The following MCTP1 variants were observed in gnomAD, a reference collection of about 807,000 sequenced individuals.
MCTP1 encodes the protein multiple C2 and transmembrane domain-containing protein 1.
A neutral mutation model predicts 120.6 loss-of-function variants in MCTP1; 69 were observed. The observed-to-expected ratio is 0.57, with a 90% confidence interval of 0.47 to 0.70. The LOEUF (loss-of-function observed/expected upper bound fraction) is 0.70, where lower values mean the gene tolerates loss of function less well. Among genes scored for constraint, MCTP1 ranks in the 30% least tolerant of loss-of-function variants. The probability of loss-of-function intolerance (pLI) is 0.00; values close to 1 mark genes in which losing one functional copy is unlikely to be tolerated. For missense variants in MCTP1, 1,203 were observed against 1,248.8 expected (o/e 0.96, Z 0.55); for synonymous variants, 529 against 493.1 (o/e 1.07, Z -0.96).
At chr5:94,765,995 A>G (rs1184062197) in intron 19 of MCTP1, among the ~76,000 whole-genome samples, 2 of 152,226 alleles carry the variant, frequency 1.3e-5, no homozygotes, top group Non-Finnish European at 2.9e-5. Context: ...TTGTAATCCC[A>G]GCACTTTGGG....
intron 1 of MCTP1, among the ~76,000 whole-genome samples, chr5:95,042,426 T>C (rs1010935242): frequency 1.3e-5 from 2 of 152,148 alleles, no homozygotes; most frequent in African/African-American, 4.8e-5. Context: ...TCATGGTTTA[T>C]GGATAGTGAT....
Position 94,756,658 on chromosome 5 carries a change from T to C in MCTP1, c.2610+22452A>G, listed in dbSNP as rs75834509. 1.7e-3 allele frequency among the ~76,000 whole-genome samples: 262 copies of C among 152,262 alleles called. 3 individuals are homozygous for C. In the East Asian group the frequency reaches 0.044, roughly 26 times the overall value. On this transcript the variant is annotated intron_variant, in intron 19 of 22. Coordinates refer to ENST00000515393, the MANE Select transcript of MCTP1 (RefSeq NM_024717.7). ...AATATCAGAGGGGAGATGACAAAGATGTTGGCAAAATGAGATCCTTTGACA... is the reference window on the plus strand; with the variant it reads ...AATATCAGAGGGGAGATGACAAAGACGTTGGCAAAATGAGATCCTTTGACA...
At chr5:94,987,531 C>T (rs1002197721) in intron 2 of MCTP1, among the ~76,000 whole-genome samples, 14 of 152,074 alleles carry the variant, frequency 9.2e-5, no homozygotes, top group African/African-American at 2.9e-4. Context: ...TCAATATTTA[C>T]GGAGTTTTAA....
chr5:95,196,953 T>A (rs889629703), intron 1 of MCTP1, among the ~76,000 whole-genome samples: 10 of 152,300 alleles, frequency 6.6e-5, no homozygotes, highest in African/African-American at 2.2e-4. Context: ...TTTAAAAAAA[T>A]TAAGAGTATT....
At chr5:95,036,098 A>G (rs770939999) in intron 1 of MCTP1, among the ~76,000 whole-genome samples, 1 of 152,112 alleles carries the variant, frequency 6.6e-6, no homozygotes, top group African/African-American at 2.4e-5. Context: ...TGTCATGAAA[A>G]AGTGCATAGC....
intron 1 of MCTP1, among the ~76,000 whole-genome samples, chr5:95,049,744 C>A (rs1407553534): frequency 6.6e-6 from 1 of 151,990 alleles, no homozygotes; most frequent in Admixed American, 6.6e-5. Flanking sequence ...TTCATCAAAC[C>A]AGCACTGTAG....
chr5:94,815,492 T>G (rs1354044589), intron 17 of MCTP1, among the ~76,000 whole-genome samples: 1 of 152,198 alleles, frequency 6.6e-6, no homozygotes, highest in African/African-American at 2.4e-5. Context: ...GGCTTTGTTC[T>G]CTAAGTGCAT....
At chr5:95,221,771 G>A (rs1185154628) in intron 1 of MCTP1, among the ~76,000 whole-genome samples, 1 of 152,156 alleles carries the variant, frequency 6.6e-6, no homozygotes, top group Non-Finnish European at 1.5e-5. Flanking sequence ...TCCAGCATGG[G>A]TTTTCTCTTT....
In MCTP1 at chr5:95,105,693, T is replaced by C. The variant is rs115933957; in HGVS notation, c.721-88209A>G. Among the ~76,000 whole-genome samples, 702 of 152,176 alleles carry C rather than the reference T, an allele frequency of 4.6e-3. 6 individuals carry two copies. Among genetic ancestry groups the C allele is most frequent in the African/African-American group, 0.016 (662 of 41,528 alleles). ...ATACTGCTGAGGGGAAGTCCAGGAA[T>C]TGTCCCTTATTAGAGCTTCATTAGG... On this transcript the variant is annotated intron_variant, in intron 1 of 22. Transcript: ENST00000515393.
At chr5:95,194,073 A>C (rs893212914) in intron 1 of MCTP1, among the ~76,000 whole-genome samples, 1 of 152,058 alleles carries the variant, frequency 6.6e-6, no homozygotes, top group African/African-American at 2.4e-5. Flanking sequence ...AAAATTAGCC[A>C]AGCATGGTAG....
intron 1 of MCTP1, among the ~76,000 whole-genome samples, chr5:95,106,768 A>C (rs1300909739): frequency 1.3e-5 from 2 of 152,216 alleles, no homozygotes; most frequent in African/African-American, 2.4e-5. Flanking sequence ...TTAGCAGGCC[A>C]CATGCTGTTT....
At position 94,705,758 on chromosome 5, in the gene MCTP1, G is replaced by T; in HGVS notation, c.*1738C>A. The stretch of plus-strand genomic sequence containing the variant: ...TAAAAGTCTCACATAAGGTATAATT[G>T]AAAGTTATTTCAAACAGTTATCTCA... On this transcript the variant is annotated 3_prime_UTR_variant, in exon 23 of 23. Transcript: ENST00000515393. 6.6e-6 allele frequency: 1 copy of T among 151,198 alleles called. No homozygotes were observed. Among genetic ancestry groups the T allele is most frequent in the African/African-American group, 2.4e-5 (1 of 41,264 alleles). The allele number at this position is 151,198 out of a possible 1,614,324, so 9.4% of individuals were successfully genotyped here.
chr5:94,914,301 A>T (rs902423349), intron 8 of MCTP1, among the ~76,000 whole-genome samples: 2 of 152,198 alleles, frequency 1.3e-5, no homozygotes, highest in Non-Finnish European at 2.9e-5. Flanking sequence ...ACTACTTTCT[A>T]TCTGATCCGT....
chr5:95,075,012 G>A (rs1753200023), intron 1 of MCTP1, among the ~76,000 whole-genome samples: 1 of 152,188 alleles, frequency 6.6e-6, no homozygotes, highest in Non-Finnish European at 1.5e-5. Flanking sequence ...TTTGCCTGTG[G>A]CAGAATATTT....
chr5:94,951,796 C>T (rs989478791), intron 3 of MCTP1, among the ~76,000 whole-genome samples: 1 of 152,142 alleles, frequency 6.6e-6, no homozygotes, highest in Admixed American at 6.5e-5. Context: ...TCTTCCCTTT[C>T]GTGGGAGAAG....
intron 16 of MCTP1, among the ~76,000 whole-genome samples, chr5:94,869,430 G>C (rs1313073121): frequency 6.6e-6 from 1 of 151,994 alleles, no homozygotes; most frequent in East Asian, 1.9e-4. Flanking sequence ...TGGCAAAGTA[G>C]AGTCTATCTC....
intron 19 of MCTP1, among the ~76,000 whole-genome samples, chr5:94,757,495 T>C (rs1010901235): frequency 6.6e-6 from 1 of 152,188 alleles, no homozygotes; most frequent in African/African-American, 2.4e-5. Flanking sequence ...TAGAAATCCA[T>C]TAGCCATGAA....
chr5:95,201,523 G>T lies in MCTP1; in HGVS notation c.720+82333C>A, dbSNP rs1226489375. 5.0e-5 allele frequency among the ~76,000 whole-genome samples: 4 copies of T among 79,598 alleles called. No homozygotes were observed. In the East Asian group the frequency reaches 1.6e-3, roughly 33 times the overall value. 52.2% of individuals were successfully genotyped at this position (79,598 alleles called of 152,430 possible). ...TTTTTTTTTTTTTTTTTTTTTTTTT[G>T]AGACAGAGTCTCGCTTTGTTGCCCA... On this transcript the variant is annotated intron_variant, in intron 1 of 22. Transcript: ENST00000515393.
At chr5:94,808,872 G>GAA (rs1782889886) in intron 17 of MCTP1, among the ~76,000 whole-genome samples, 1 of 152,052 alleles carries the variant, frequency 6.6e-6, no homozygotes, top group Non-Finnish European at 1.5e-5. Flanking sequence ...TGTTTCTTTG[G>GAA]ATTTACTAGG....
Sources: gnomAD v4.1 joint callset for allele counts (sites outside exome capture counted in the v4.1 genomes callset) on GRCh38, gnomAD v4.1.1 for gene constraint, MANE v1.5 for transcripts, NCBI Gene and HGNC (gene_info 2026-07-23, HGNC 2026-07-21) for gene names.